Variants in OR2L13 observed in about 807,000 individuals in gnomAD.
OR2L13 encodes the protein olfactory receptor family 2 subfamily L member 13, also known as olfactory receptor 2L13.
A neutral mutation model predicts 15.3 loss-of-function variants in OR2L13; 14 were observed. That is an observed-to-expected ratio of 0.91 (90% confidence interval 0.60 to 1.43). The LOEUF is 1.43. OR2L13 is among the 40% of genes most tolerant of loss of function. OR2L13 has a pLI of 0.00. For missense variants in OR2L13, 367 were observed against 387.9 expected (o/e 0.95, Z 0.45); for synonymous variants, 152 against 142.9 (o/e 1.06, Z -0.45).
the OR2L13 span, chr1:247,990,957 A>G: frequency 6.8e-7 from 1 of 1,475,738 alleles, no homozygotes; most frequent in Non-Finnish European, 9.5e-7. Flanking sequence ...TGCACTCTGC[A>G]GAAGGGAGGA....
upstream of OR2L13, among the ~76,000 whole-genome samples, chr1:248,094,119 CA>C (rs1158623466): frequency 1.3e-5 from 2 of 151,956 alleles, no homozygotes; most frequent in African/African-American, 4.8e-5. Context: ...ATAGGTACCC[CA>C]AATACCCTTA....
chr1:248,047,635 C>T, the OR2L13 span, among the ~76,000 whole-genome samples: 23 of 152,178 alleles, frequency 1.5e-4, no homozygotes, highest in African/African-American at 4.6e-4. Flanking sequence ...TTTTTTCTTT[C>T]GGGACACAAG....
chr1:247,956,275 A>T, the OR2L13 span, among the ~76,000 whole-genome samples: 69 of 152,166 alleles, frequency 4.5e-4, no homozygotes, highest in Middle Eastern at 6.8e-3. Context: ...ATTATTTCTG[A>T]GGGCTCTCTT....
chr1:248,056,319 T>C, the OR2L13 span, among the ~76,000 whole-genome samples: 1 of 152,092 alleles, frequency 6.6e-6, no homozygotes, highest in African/African-American at 2.4e-5. Context: ...CCTGGATTCA[T>C]TGTTTGAAGG....
At chr1:247,959,729 T>C in the OR2L13 span, among the ~76,000 whole-genome samples, 5 of 152,256 alleles carry the variant, frequency 3.3e-5, no homozygotes, top group African/African-American at 1.2e-4. Flanking sequence ...TTCCAGTTGA[T>C]TGAAGTGGCA....
the OR2L13 span, among the ~76,000 whole-genome samples, chr1:248,042,456 G>T: frequency 2.6e-5 from 4 of 151,904 alleles, no homozygotes; most frequent in African/African-American, 9.7e-5. Flanking sequence ...GTATACATAT[G>T]TAAATAACCT....
the OR2L13 span, among the ~76,000 whole-genome samples, chr1:247,964,446 A>G: frequency 6.6e-6 from 1 of 152,214 alleles, no homozygotes; most frequent in African/African-American, 2.4e-5. Context: ...TCCAAAGAGT[A>G]TGAAATTTGC....
At chr1:247,957,983 G>T in the OR2L13 span, among the ~76,000 whole-genome samples, 120,365 of 152,010 alleles carry the variant, frequency 0.79, 52,224 homozygotes, top group South Asian at 0.95. Flanking sequence ...CCTTCTGCTA[G>T]CTTTTGAATG....
the OR2L13 span, chr1:247,990,854 G>A: frequency 2.6e-6 from 4 of 1,555,886 alleles, no homozygotes; most frequent in Admixed American, 3.3e-5. Flanking sequence ...GTCTATGAGT[G>A]CACGGTGTTT....
the OR2L13 span, chr1:248,062,737 G>A: frequency 6.6e-6 from 1 of 152,094 alleles, no homozygotes; most frequent in Non-Finnish European, 1.5e-5. Context: ...GAGTGGAATT[G>A]GAATGTTCCC....
the OR2L13 span, among the ~76,000 whole-genome samples, chr1:248,068,786 G>A: frequency 6.6e-6 from 1 of 152,178 alleles, no homozygotes; most frequent in African/African-American, 2.4e-5. Flanking sequence ...TAAAGGAGCT[G>A]ATGGAGCTGA....
the OR2L13 span, among the ~76,000 whole-genome samples, chr1:247,976,447 T>C: frequency 6.6e-6 from 1 of 151,712 alleles, no homozygotes; most frequent in South Asian, 2.1e-4. Flanking sequence ...ATTATTTCCA[T>C]AAAACTTATA....
At chr1:247,952,869 T>C in the OR2L13 span, among the ~76,000 whole-genome samples, 1 of 152,134 alleles carries the variant, frequency 6.6e-6, no homozygotes, top group Admixed American at 6.5e-5. Flanking sequence ...AATCATTCCA[T>C]CTCTCTGAAG....
At chr1:248,003,977 A>T in the OR2L13 span, 2 of 1,613,868 alleles carry the variant, frequency 1.2e-6, no homozygotes, top group Non-Finnish European at 1.7e-6. Context: ...CCTCACCCCA[A>T]TGCTCAACCC....
the OR2L13 span, among the ~76,000 whole-genome samples, chr1:248,055,243 A>C: frequency 6.6e-6 from 1 of 152,136 alleles, no homozygotes; most frequent in African/African-American, 2.4e-5. Context: ...GATTACATTC[A>C]TTGATTTGTG....
chr1:248,032,583 C>T, the OR2L13 span, among the ~76,000 whole-genome samples: 1 of 152,146 alleles, frequency 6.6e-6, no homozygotes, highest in Admixed American at 6.6e-5. Context: ...ACTCTGGGTA[C>T]TTCCTGTACA....
At chr1:248,083,468 TC>T in the OR2L13 span, 41 of 621,238 alleles carry the variant, frequency 6.6e-5, no homozygotes, top group Non-Finnish European at 1.1e-4. Flanking sequence ...ACATAAATGC[TC>T]AAAAATGGTA....
At chr1:248,000,872 A>AT in the OR2L13 span, among the ~76,000 whole-genome samples, 3,450 of 152,134 alleles carry the variant, frequency 0.023, 130 homozygotes, top group African/African-American at 0.077. Flanking sequence ...CTTGTTTTTA[A>AT]TTTTTTATAC....
the OR2L13 span, among the ~76,000 whole-genome samples, chr1:247,982,017 G>T: frequency 2.6e-5 from 4 of 151,960 alleles, no homozygotes; most frequent in Non-Finnish European, 4.4e-5. Context: ...GGGTTTCACC[G>T]TGTTAGCCAG....
Sources: gnomAD v4.1 joint callset for allele counts (sites outside exome capture counted in the v4.1 genomes callset) on GRCh38, gnomAD v4.1.1 for gene constraint, MANE v1.5 for transcripts, NCBI Gene and HGNC (gene_info 2026-07-23, HGNC 2026-07-21) for gene names.